KIAA1328: variants seen among roughly 807,000 people sequenced by gnomAD.
KIAA1328 encodes the protein KIAA1328.
Under a neutral mutation model 68.1 loss-of-function variants are expected in KIAA1328, and 52 were observed. The ratio of observed to expected loss-of-function variants is 0.76; its 90% confidence interval spans 0.61 to 0.96. The LOEUF is 0.96. Ranked by LOEUF, KIAA1328 falls within the 40% of genes least tolerant of loss-of-function variation. The pLI is 0.00. For synonymous variants in KIAA1328, 232 were observed against 239.4 expected (o/e 0.97, Z 0.28); for missense variants, 641 against 677.6 (o/e 0.95, Z 0.60).
chr18:36,966,563 A>T (rs1399164430), intron 6 of KIAA1328, among the ~76,000 whole-genome samples: 1 of 152,206 alleles, frequency 6.6e-6, no homozygotes, highest in Non-Finnish European at 1.5e-5. Flanking sequence ...TATAAATAAC[A>T]TCATCCTGCA....
At chr18:37,171,730 C>A (rs979127089) in intron 8 of KIAA1328, among the ~76,000 whole-genome samples, 1 of 152,038 alleles carries the variant, frequency 6.6e-6, no homozygotes, top group Non-Finnish European at 1.5e-5. Flanking sequence ...ATCAGTGGGA[C>A]CCTGTCTCTA....
intron 6 of KIAA1328, among the ~76,000 whole-genome samples, chr18:36,988,453 T>C (rs888360268): frequency 1.3e-5 from 2 of 152,246 alleles, no homozygotes; most frequent in African/African-American, 4.8e-5. Flanking sequence ...AACTTGGGAA[T>C]GTTAGACATT....
At chr18:37,116,865 C>T (rs1167537986) in intron 7 of KIAA1328, among the ~76,000 whole-genome samples, 1 of 152,192 alleles carries the variant, frequency 6.6e-6, no homozygotes, top group Non-Finnish European at 1.5e-5. Flanking sequence ...TGAACAGACA[C>T]TTCTCAAAAG....
chr18:36,925,056 G>T (rs2050063058), intron 5 of KIAA1328: 4 of 152,042 alleles, frequency 2.6e-5, no homozygotes. Context: ...AGTTATATTT[G>T]TTTCATATGT....
intron 6 of KIAA1328, among the ~76,000 whole-genome samples, chr18:36,972,758 C>A (rs970247143): frequency 1.3e-5 from 2 of 152,202 alleles, no homozygotes; most frequent in Non-Finnish European, 2.9e-5. Flanking sequence ...CTGTCCCGTT[C>A]CTGTCCCAGT....
Position 36,829,173 on chromosome 18 carries a change from C to G in KIAA1328, c.35C>G (p.Ala12Gly). ...GTGGCGGGCCCCTCCCGCCCCAGTG[C>G]CGCGGCGTTCTGGAGCCGGGACTGT... ...ADVAGPSRPS[A>G]AAFWSRDFSD... The change falls in exon 1 of 10, where the codon GCC becomes GGC. Residue 12 changes from alanine to glycine, a missense_variant. Physicochemically the swap from Ala to Gly is moderately conservative, Grantham distance 60. Coordinates refer to ENST00000280020, the MANE Select transcript of KIAA1328 (RefSeq NM_020776.3). The G allele has an allele frequency of 6.5e-7, 1 of 1,532,838 alleles. No homozygotes were observed. Among genetic ancestry groups the G allele is most frequent in the South Asian group, 1.2e-5 (1 of 82,440 alleles). 95.0% of individuals were successfully genotyped at this position (1,532,838 alleles called of 1,614,324 possible). A position where few individuals can be genotyped will look rare whatever the true frequency, so the allele number is the denominator to read the frequency against.
intron 4 of KIAA1328, among the ~76,000 whole-genome samples, chr18:36,876,213 A>G (rs147665946): frequency 1.1e-4 from 16 of 151,872 alleles, no homozygotes; most frequent in African/African-American, 2.7e-4. Context: ...CTCTTTTTCT[A>G]TTGTTTGGAA....
At chr18:37,025,512 T>A (rs2151551065) in intron 6 of KIAA1328, among the ~76,000 whole-genome samples, 1 of 152,270 alleles carries the variant, frequency 6.6e-6, no homozygotes, top group East Asian at 1.9e-4. Context: ...ACAGAAATTA[T>A]AACAAACTGT....
intron 7 of KIAA1328, among the ~76,000 whole-genome samples, chr18:37,086,663 A>G (rs1205077987): frequency 6.6e-6 from 1 of 152,074 alleles, no homozygotes; most frequent in Non-Finnish European, 1.5e-5. Context: ...GTCAATCTTC[A>G]TGTTTAATTT....
chr18:36,847,069 T>C (rs1486674339), intron 4 of KIAA1328, among the ~76,000 whole-genome samples: 2 of 151,502 alleles, frequency 1.3e-5, no homozygotes, highest in African/African-American at 4.8e-5. Flanking sequence ...CAGCATAATG[T>C]TTTTAGTTGT....
intron 7 of KIAA1328, among the ~76,000 whole-genome samples, chr18:37,152,097 A>T (rs1364273948): frequency 1.4e-5 from 1 of 70,432 alleles, no homozygotes; most frequent in African/African-American, 8.1e-5. Context: ...GGACCTATGT[A>T]AAAAAAAAAA....
intron 6 of KIAA1328, among the ~76,000 whole-genome samples, chr18:36,996,377 C>T (rs919832955): frequency 6.6e-6 from 1 of 152,156 alleles, no homozygotes; most frequent in Non-Finnish European, 1.5e-5. Flanking sequence ...AAGTCAGTTA[C>T]TACAGCTGTA....
chr18:37,220,009 T>C (rs2154225265), intron 9 of KIAA1328, among the ~76,000 whole-genome samples: 1 of 152,376 alleles, frequency 6.6e-6, no homozygotes, highest in South Asian at 2.1e-4. Flanking sequence ...GGAGGATCTT[T>C]CTGTTGATGC....
At chr18:36,843,457 C>A (rs1260675723) in intron 3 of KIAA1328, among the ~76,000 whole-genome samples, 1 of 152,106 alleles carries the variant, frequency 6.6e-6, no homozygotes, top group Non-Finnish European at 1.5e-5. Context: ...TTCGTGACTC[C>A]CTGAGTTTAT....
chr18:37,091,064 C>A, intron 7 of KIAA1328, among the ~76,000 whole-genome samples: 1 of 152,168 alleles, frequency 6.6e-6, no homozygotes, highest in East Asian at 1.9e-4. Context: ...ATAGGCAACT[C>A]TCAGAAAGGT....
chr18:37,139,934 T>C (rs1209520382), intron 7 of KIAA1328, among the ~76,000 whole-genome samples: 1 of 152,212 alleles, frequency 6.6e-6, no homozygotes, highest in Non-Finnish European at 1.5e-5. Context: ...TTAGTCAAAC[T>C]GTGTGATTAT....
chr18:37,030,079 A>G (rs563707523), intron 6 of KIAA1328, among the ~76,000 whole-genome samples: 2 of 152,042 alleles, frequency 1.3e-5, no homozygotes, highest in East Asian at 1.9e-4. Context: ...GATTTTTATT[A>G]TGCACATCTA....
At chr18:37,151,140 A>G (rs1358872298) in intron 7 of KIAA1328, among the ~76,000 whole-genome samples, 1 of 152,204 alleles carries the variant, frequency 6.6e-6, no homozygotes, top group African/African-American at 2.4e-5. Context: ...ATTTCTATAT[A>G]ATAACAGTAA....
intron 9 of KIAA1328, among the ~76,000 whole-genome samples, chr18:37,203,969 G>A (rs1051436782): frequency 6.6e-5 from 10 of 151,994 alleles, no homozygotes; most frequent in Admixed American, 3.3e-4. Flanking sequence ...GCCACCACAC[G>A]CAGCTAATTT....
Sources: gnomAD v4.1 joint callset for allele counts (sites outside exome capture counted in the v4.1 genomes callset) on GRCh38, gnomAD v4.1.1 for gene constraint, MANE v1.5 for transcripts, NCBI Gene and HGNC (gene_info 2026-07-23, HGNC 2026-07-21) for gene names.